MAML3: variants seen among roughly 807,000 people sequenced by gnomAD.
The protein encoded by MAML3 is mastermind like transcriptional coactivator 3.
A neutral mutation model predicts 101.9 loss-of-function variants in MAML3; 27 were observed. That is an observed-to-expected ratio of 0.27 (90% CI 0.20 to 0.37). The LOEUF (loss-of-function observed/expected upper bound fraction) is 0.37. Ranked by LOEUF, MAML3 falls within the 10% of genes least tolerant of loss-of-function variation. The pLI is 1.00. For missense variants in MAML3, 1,316 were observed against 1,444.9 expected (o/e 0.91, Z 1.45); for synonymous variants, 501 against 555.9 (o/e 0.90, Z 1.39).
At chr4:140,074,885 C>T (rs761915494) in intron 1 of MAML3, among the ~76,000 whole-genome samples, 1 of 152,152 alleles carries the variant, frequency 6.6e-6, no homozygotes, top group Non-Finnish European at 1.5e-5. Context: ...TATAAAATTA[C>T]CAGGCTATGT....
intron 2 of MAML3, among the ~76,000 whole-genome samples, chr4:139,880,396 G>T (rs1345875406): frequency 2.6e-5 from 4 of 152,014 alleles, no homozygotes; most frequent in African/African-American, 4.8e-5. Flanking sequence ...CCTTCTGCTT[G>T]CTGGTTTCCC....
At chr4:139,825,027 G>GC (rs1469370877) in intron 2 of MAML3, among the ~76,000 whole-genome samples, 2 of 152,054 alleles carry the variant, frequency 1.3e-5, no homozygotes, top group Non-Finnish European at 2.9e-5. Context: ...CCCCTAGGCA[G>GC]CCCCTCCTGC....
chr4:139,802,122 CT>C (rs1730620358), intron 2 of MAML3, among the ~76,000 whole-genome samples: 6 of 152,138 alleles, frequency 3.9e-5, no homozygotes, highest in African/African-American at 1.4e-4. Context: ...AGGGGGAGAG[CT>C]CTAACTCTCC....
intron 1 of MAML3, among the ~76,000 whole-genome samples, chr4:139,994,558 G>A (rs1042410541): frequency 1.3e-5 from 2 of 152,160 alleles, no homozygotes; most frequent in Non-Finnish European, 2.9e-5. Context: ...TACTTGGAAG[G>A]CTGAGGTGGG....
intron 1 of MAML3, among the ~76,000 whole-genome samples, chr4:140,095,626 G>A (rs895071625): frequency 1.3e-5 from 2 of 151,904 alleles, no homozygotes; most frequent in African/African-American, 2.4e-5. Context: ...CTTTCCAGGG[G>A]CCGCCTAACA....
At chr4:139,870,169 A>G (rs1731977718) in intron 2 of MAML3, among the ~76,000 whole-genome samples, 1 of 152,226 alleles carries the variant, frequency 6.6e-6, no homozygotes. Context: ...CTTCTGTACT[A>G]TCGACATTTT....
At chr4:139,960,699 G>A (rs1237892865) in intron 1 of MAML3, among the ~76,000 whole-genome samples, 1 of 152,144 alleles carries the variant, frequency 6.6e-6, no homozygotes, top group Non-Finnish European at 1.5e-5. Flanking sequence ...TTCCTTCCCA[G>A]GGTCCTCCTG....
chr4:140,132,600 G>C (rs1169443309), intron 1 of MAML3, among the ~76,000 whole-genome samples: 1 of 152,224 alleles, frequency 6.6e-6, no homozygotes, highest in Non-Finnish European at 1.5e-5. Context: ...TTGCTGTTGA[G>C]AGTTGGCGAC....
At chr4:139,985,111 TTTAGCATAG>T in intron 1 of MAML3, among the ~76,000 whole-genome samples, 1 of 152,360 alleles carries the variant, frequency 6.6e-6, no homozygotes, top group East Asian at 1.9e-4. Flanking sequence ...TTAGCTTTTC[TTTAGCATAG>T]TAAGACATCC....
intron 2 of MAML3, among the ~76,000 whole-genome samples, chr4:139,844,715 G>A (rs1355497698): frequency 6.6e-6 from 1 of 152,204 alleles, no homozygotes; most frequent in Non-Finnish European, 1.5e-5. Flanking sequence ...TTGACAGTGT[G>A]GGTGGGATAT....
intron 2 of MAML3, among the ~76,000 whole-genome samples, chr4:139,807,809 C>G (rs1476250135): frequency 4.6e-5 from 7 of 152,088 alleles, no homozygotes; most frequent in Non-Finnish European, 4.4e-5. Flanking sequence ...AGCTAATAGC[C>G]CATACATGAT....
intron 1 of MAML3, among the ~76,000 whole-genome samples, chr4:139,902,265 A>C (rs13146133): frequency 7.0e-6 from 1 of 142,458 alleles, no homozygotes; most frequent in Admixed American, 6.9e-5. Context: ...ACACACACGC[A>C]CACACACACG....
At chr4:139,858,864 A>G (rs1384536773) in intron 2 of MAML3, among the ~76,000 whole-genome samples, 3 of 152,196 alleles carry the variant, frequency 2.0e-5, no homozygotes, top group African/African-American at 7.2e-5. Context: ...TTAGAATATG[A>G]ACCACAGTTA....
At chr4:140,111,662 T>C (rs1483780597) in intron 1 of MAML3, among the ~76,000 whole-genome samples, 2 of 152,224 alleles carry the variant, frequency 1.3e-5, no homozygotes, top group Non-Finnish European at 2.9e-5. Context: ...CAAGTTGCCA[T>C]TGGTAAAGGA....
intron 4 of MAML3, among the ~76,000 whole-genome samples, chr4:139,721,324 C>T (rs1311962338): frequency 6.6e-6 from 1 of 152,120 alleles, no homozygotes; most frequent in East Asian, 1.9e-4. Context: ...CACCAGTCAA[C>T]GTTGCAAAGG....
intron 2 of MAML3, among the ~76,000 whole-genome samples, chr4:139,841,993 C>T (rs553151215): frequency 6.6e-6 from 1 of 152,260 alleles, no homozygotes; most frequent in East Asian, 1.9e-4. Flanking sequence ...TGTCCAGGAC[C>T]AAGTCCAGGG....
intron 1 of MAML3, among the ~76,000 whole-genome samples, chr4:140,072,609 G>C (rs1727679326): frequency 6.6e-6 from 1 of 151,526 alleles, no homozygotes. Context: ...GGCAGAGATT[G>C]TGGTGAGCCA....
Position 139,716,862 on chromosome 4 carries a change from G to T in MAML3, c.*2461C>A, listed in dbSNP as rs759693815. On this transcript the variant is annotated 3_prime_UTR_variant, in exon 5 of 5. Coordinates refer to ENST00000509479, the MANE Select transcript of MAML3 (RefSeq NM_018717.5). Reference sequence around the variant, plus strand: ...CTGTACATTTCTTAAAAGGAAATAAGCAATGCTCAATGTACAAAGTAAAAA... The same window carrying T: ...CTGTACATTTCTTAAAAGGAAATAATCAATGCTCAATGTACAAAGTAAAAA... 3.3e-5 allele frequency: 5 copies of T among 152,512 alleles called. No individual in the cohort carries two copies. The highest frequency in any genetic ancestry group is 7.4e-5 in the Non-Finnish European group (5 of 68,010). 9.4% of individuals were successfully genotyped at this position (152,512 alleles called of 1,614,324 possible).
rs56361332 is a variant in MAML3, at chr4:139,864,923, C to CTT, written c.2079+24432_2079+24433dup. The stretch of plus-strand genomic sequence containing the variant: ...TTAGGAAAATAGTAATGCAAACTTG[C>CTT]TTTTTTTTTTTTTTTTTTTTTTTTT... On this transcript the variant is annotated intron_variant, in intron 2 of 4. Coordinates refer to ENST00000509479, the MANE Select transcript of MAML3 (RefSeq NM_018717.5). 1.9e-3 allele frequency among the ~76,000 whole-genome samples: 117 copies of CTT among 62,390 alleles called. 18 individuals carry two copies. The highest frequency in any genetic ancestry group is 8.7e-3 in the East Asian group (13 of 1,488). The allele number at this position is 62,390 out of a possible 152,430, so 40.9% of individuals were successfully genotyped here. A position where few individuals can be genotyped will look rare whatever the true frequency, so the allele number is the denominator to read the frequency against.
Sources: allele counts gnomAD v4.1 joint callset (sites outside exome capture counted in the v4.1 genomes callset), GRCh38; gene constraint gnomAD v4.1.1; transcripts MANE v1.5; gene names NCBI Gene and HGNC (gene_info 2026-07-23, HGNC 2026-07-21).